The following ELFN1 variants were observed in gnomAD, a reference collection of about 807,000 sequenced individuals.
The protein encoded by ELFN1 is protein ELFN1.
A neutral mutation model predicts 7.6 loss-of-function variants in ELFN1; 6 were observed. That is an observed-to-expected ratio of 0.79 (90% confidence interval 0.43 to 1.56). The LOEUF is 1.56. Among genes scored for constraint, ELFN1 ranks in the 40% most tolerant of loss-of-function variants. The pLI is 0.01. For missense variants in ELFN1, 1,169 were observed against 1,232.2 expected (o/e 0.95, Z 0.77); for synonymous variants, 657 against 588.1 (o/e 1.12, Z -1.70).
intron 3 of ELFN1, among the ~76,000 whole-genome samples, chr7:1,736,190 T>C (rs1001311059): frequency 4.6e-5 from 7 of 152,132 alleles, no homozygotes; most frequent in African/African-American, 1.4e-4. Context: ...CAGGCAGACG[T>C]TAGCAGTAAA....
At chr7:1,717,824 C>A (rs1013215380) in intron 3 of ELFN1, among the ~76,000 whole-genome samples, 16 of 152,124 alleles carry the variant, frequency 1.1e-4, no homozygotes, top group African/African-American at 3.9e-4. Flanking sequence ...GGACAGGTCG[C>A]AGGGGAGGAG....
intron 3 of ELFN1, among the ~76,000 whole-genome samples, chr7:1,714,472 A>G (rs1462042169): frequency 6.6e-6 from 1 of 152,226 alleles, no homozygotes; most frequent in African/African-American, 2.4e-5. Flanking sequence ...ACATTTATTT[A>G]AAAGGGAAGA....
intron 1 of ELFN1, among the ~76,000 whole-genome samples, chr7:1,672,318 G>A (rs968942036): frequency 6.6e-6 from 1 of 152,244 alleles, no homozygotes; most frequent in Non-Finnish European, 1.5e-5. Flanking sequence ...AAGTGTCTTT[G>A]GAGGCAGGCT....
intron 3 of ELFN1, among the ~76,000 whole-genome samples, chr7:1,711,964 C>T (rs1447764060): frequency 6.6e-6 from 1 of 152,190 alleles, no homozygotes; most frequent in Admixed American, 6.5e-5. Context: ...CACAGGGCTG[C>T]GGCAGAGTGT....
chr7:1,691,987 C>T (rs1246308365), intron 2 of ELFN1: 2 of 152,258 alleles, frequency 1.3e-5, no homozygotes, highest in Non-Finnish European at 2.9e-5. Context: ...GTACCAGGCT[C>T]CAGGCTGGGC....
chr7:1,704,135 C>T (rs781283378), intron 2 of ELFN1, among the ~76,000 whole-genome samples: 35 of 152,346 alleles, frequency 2.3e-4, no homozygotes, highest in Non-Finnish European at 1.3e-4. Context: ...CACAGGTGCA[C>T]AACCGCTGTT....
At chr7:1,723,901 C>CT (rs1554253697) in intron 3 of ELFN1, among the ~76,000 whole-genome samples, 10 of 152,122 alleles carry the variant, frequency 6.6e-5, no homozygotes, top group Non-Finnish European at 1.5e-4. Flanking sequence ...TCTCCTCCCA[C>CT]TTTTTTTTGG....
At chr7:1,679,309 G>C (rs1368803484) in intron 1 of ELFN1, among the ~76,000 whole-genome samples, 2 of 152,162 alleles carry the variant, frequency 1.3e-5, no homozygotes, top group African/African-American at 4.8e-5. Context: ...CCAGGCCTGG[G>C]TCCATTGTGC....
intron 3 of ELFN1, among the ~76,000 whole-genome samples, chr7:1,712,677 C>T (rs1199419205): frequency 6.6e-6 from 1 of 152,160 alleles, no homozygotes; most frequent in African/African-American, 2.4e-5. Context: ...AGTGATCCGC[C>T]CACCTCAGCC....
intron 3 of ELFN1, 93 bp from the exon 4 acceptor site, chr7:1,744,211 C>T (rs1780708976): frequency 8.1e-6 from 2 of 247,124 alleles, no homozygotes; most frequent in African/African-American, 2.3e-5. Flanking sequence ...ACTCAGGCCA[C>T]ATTGGGATGC....
intron 1 of ELFN1, among the ~76,000 whole-genome samples, chr7:1,679,660 G>A (rs1778938497): frequency 6.6e-6 from 1 of 152,218 alleles, no homozygotes; most frequent in Admixed American, 6.5e-5. Flanking sequence ...GCTAACTCCT[G>A]TCTGCTGGGG....
chr7:1,683,678 T>G (rs530562356), intron 1 of ELFN1, among the ~76,000 whole-genome samples: 1 of 152,336 alleles, frequency 6.6e-6, no homozygotes, highest in South Asian at 2.1e-4. Flanking sequence ...TTTGTCTATT[T>G]CTCCTTTTAA....
intron 2 of ELFN1, among the ~76,000 whole-genome samples, chr7:1,702,453 C>G (rs1779449476): frequency 6.6e-6 from 1 of 150,428 alleles, no homozygotes. Flanking sequence ...AAGACCCTCC[C>G]TCACTCCACC....
At chr7:1,707,099 C>T (rs1779548899) in intron 2 of ELFN1, among the ~76,000 whole-genome samples, 1 of 152,236 alleles carries the variant, frequency 6.6e-6, no homozygotes, top group Non-Finnish European at 1.5e-5. Context: ...TGAAAAGCTC[C>T]AGGGCAGGTG....
At chr7:1,726,081 C>A (rs1349639398) in intron 3 of ELFN1, among the ~76,000 whole-genome samples, 2 of 152,088 alleles carry the variant, frequency 1.3e-5, no homozygotes, top group Non-Finnish European at 2.9e-5. Flanking sequence ...AATACACACA[C>A]AAAAATCACA....
chr7:1,740,443 ATGT>A lies in ELFN1; in HGVS notation c.-293-3856_-293-3854del, dbSNP rs895126146. 4.6e-5 allele frequency among the ~76,000 whole-genome samples: 7 copies of A among 152,322 alleles called. No homozygotes were observed. The highest frequency in any genetic ancestry group is 4.6e-4 in the Admixed American group (7 of 15,308). The stretch of plus-strand genomic sequence containing the variant: ...TGCCAGACAGCACTCCTTTCTAGAA[ATGT>A]TGTTTAATGATCGGATCGCTGGACG... On this transcript the variant is annotated intron_variant, in intron 3 of 3. Transcript: ENST00000424383. The surrounding 1 kb of genome is among the most constrained non-coding windows in gnomAD (Gnocchi z 5.0).
Position 1,745,467 on chromosome 7 carries a change from G to T in ELFN1, c.871G>T (p.Asp291Tyr). Residue 291 changes from aspartate (D) to tyrosine (Y), a missense_variant, in exon 4 of 4, where the codon GAT becomes TAT. This residue lies in a region of ELFN1 where 914 missense variants were observed against 872.6 expected (regional missense o/e 1.05). Transcript: ENST00000424383. ...PPEPSDMPCA[D>Y]DECFSGDGTT... is the part of the protein sequence containing the mutation. Reference sequence around the variant, plus strand: ...GGAGCCCAGTGACATGCCCTGTGCCGATGATGAGTGCTTCTCCGGGGACGG... The same window carrying T: ...GGAGCCCAGTGACATGCCCTGTGCCTATGATGAGTGCTTCTCCGGGGACGG... The T allele has an allele frequency of 6.5e-7, 1 of 1,541,742 alleles. No homozygotes were observed. The highest frequency in any genetic ancestry group is 8.7e-7 in the Non-Finnish European group (1 of 1,146,702).
intron 3 of ELFN1, among the ~76,000 whole-genome samples, chr7:1,709,874 CA>C (rs1399574348): frequency 6.6e-6 from 1 of 152,208 alleles, no homozygotes; most frequent in Non-Finnish European, 1.5e-5. Flanking sequence ...GGTAGCTGGA[CA>C]AGTTCTTTTT....
chr7:1,703,596 A>G (rs939227316), intron 2 of ELFN1, among the ~76,000 whole-genome samples: 2 of 152,106 alleles, frequency 1.3e-5, no homozygotes, highest in Non-Finnish European at 2.9e-5. Flanking sequence ...GCAGTTTACC[A>G]GGGGATGGGG....
Sources: allele counts gnomAD v4.1 joint callset (sites outside exome capture counted in the v4.1 genomes callset), GRCh38; gene constraint gnomAD v4.1.1; regional missense constraint gnomAD v4.1.1; non-coding constraint Gnocchi (gnomAD v3.1); transcripts MANE v1.5; gene names NCBI Gene and HGNC (gene_info 2026-07-23, HGNC 2026-07-21).